Variants in FGF1 observed in about 807,000 individuals in gnomAD.
FGF1 encodes the protein beta-endothelial cell growth factor.
Under a neutral mutation model 13.4 loss-of-function variants are expected in FGF1, and 9 were observed. The observed-to-expected ratio is 0.67, with a 90% confidence interval of 0.40 to 1.17. The LOEUF is 1.17. FGF1 is among the 50% of genes most tolerant of loss of function. FGF1 has a pLI of 0.01. For synonymous variants in FGF1, 93 were observed against 79.0 expected (o/e 1.18, Z -0.94); for missense variants, 156 against 192.7 (o/e 0.81, Z 1.13).
intron 2 of FGF1, among the ~76,000 whole-genome samples, chr5:142,692,330 CT>C (rs984669096): frequency 9.9e-5 from 15 of 152,070 alleles, no homozygotes; most frequent in Admixed American, 3.3e-4. Context: ...GAGAAAGACC[CT>C]GTCTCAAAAA....
At chr5:142,647,492 T>A (rs1766381187) in intron 1 of FGF1, among the ~76,000 whole-genome samples, 1 of 152,210 alleles carries the variant, frequency 6.6e-6, no homozygotes, top group Non-Finnish European at 1.5e-5. Flanking sequence ...GTTCATAAAC[T>A]TGTAGTTCTC....
At chr5:142,639,676 G>A (rs1395429589) in intron 1 of FGF1, among the ~76,000 whole-genome samples, 2 of 151,966 alleles carry the variant, frequency 1.3e-5, no homozygotes, top group African/African-American at 2.4e-5. Context: ...AGTCAGTAAT[G>A]TGTGGTATAC....
intron 2 of FGF1, among the ~76,000 whole-genome samples, chr5:142,608,294 G>A (rs760724154): frequency 6.6e-6 from 1 of 151,950 alleles, no homozygotes; most frequent in Non-Finnish European, 1.5e-5. Context: ...TTATGTGCCT[G>A]GTTTATTCTG....
intron 1 of FGF1, among the ~76,000 whole-genome samples, chr5:142,666,554 G>A (rs1474269666): frequency 1.3e-5 from 2 of 151,358 alleles, no homozygotes; most frequent in East Asian, 3.9e-4. Context: ...AAAAAAAACC[G>A]TAGCATTTCA....
intron 2 of FGF1, among the ~76,000 whole-genome samples, chr5:142,609,071 G>T (rs1279979694): frequency 6.6e-6 from 1 of 152,062 alleles, no homozygotes; most frequent in East Asian, 1.9e-4. Flanking sequence ...GCTAGGTGCT[G>T]AGTGATCCCA....
At chr5:142,675,701 A>C (rs1772426749) in intron 1 of FGF1, among the ~76,000 whole-genome samples, 1 of 152,178 alleles carries the variant, frequency 6.6e-6, no homozygotes, top group African/African-American at 2.4e-5. Flanking sequence ...TCCCCACCCA[A>C]GGTCACCCAA....
intron 1 of FGF1, among the ~76,000 whole-genome samples, chr5:142,674,434 C>T (rs1308203440): frequency 6.6e-6 from 1 of 152,190 alleles, no homozygotes; most frequent in Non-Finnish European, 1.5e-5. Flanking sequence ...GAGGGGGACA[C>T]CTTTCCAAGG....
chr5:142,643,500 A>G (rs1224654771), intron 1 of FGF1, among the ~76,000 whole-genome samples: 1 of 152,152 alleles, frequency 6.6e-6, no homozygotes, highest in East Asian at 1.9e-4. Context: ...TCTTGCTGCA[A>G]CCTAGGAGGC....
At chr5:142,654,451 A>T (rs543001099) in intron 1 of FGF1, among the ~76,000 whole-genome samples, 1 of 152,216 alleles carries the variant, frequency 6.6e-6, no homozygotes, top group Non-Finnish European at 1.5e-5. Context: ...TGAACTTTGG[A>T]TAGTAGAAAG....
In FGF1 at chr5:142,629,551, C is replaced by T. The variant is rs982370876; in HGVS notation, c.-34-15390G>A. 4.6e-5 allele frequency among the ~76,000 whole-genome samples: 7 copies of T among 152,234 alleles called. No homozygotes were observed. The South Asian group carries it at 1.2e-3, about 27-fold the overall frequency. Reference sequence around the variant, plus strand: ...GTTAGGCCCAGCCTATCTAAGGAAGCCCTCCTGACTTCCTTGTCCTCTATC... The same window carrying T: ...GTTAGGCCCAGCCTATCTAAGGAAGTCCTCCTGACTTCCTTGTCCTCTATC... On this transcript the variant is annotated intron_variant, in intron 1 of 3. Coordinates refer to ENST00000337706, the MANE Select transcript of FGF1 (RefSeq NM_000800.5).
chr5:142,668,479 GC>G (rs1170716581), intron 1 of FGF1, among the ~76,000 whole-genome samples: 1 of 152,130 alleles, frequency 6.6e-6, no homozygotes, highest in East Asian at 1.9e-4. Context: ...ACCCCTCCCT[GC>G]CCCGGCCCCA....
In FGF1 at chr5:142,660,208, AG is replaced by A. The variant is rs200480801; in HGVS notation, c.-35+25748del. On this transcript the variant is annotated intron_variant, in intron 1 of 3. Coordinates refer to ENST00000337706, the MANE Select transcript of FGF1 (RefSeq NM_000800.5). ...GAGAATTAAACAGTCCTGTTAGTAAAGCTCTGTCCTTCAGCTCCTCTGTCTT... is the reference window on the plus strand; with the variant it reads ...GAGAATTAAACAGTCCTGTTAGTAAACTCTGTCCTTCAGCTCCTCTGTCTT... Among the ~76,000 whole-genome samples, 24 of 152,344 alleles carry A rather than the reference AG, an allele frequency of 1.6e-4. 1 individual carries two copies. The East Asian group carries it at 4.6e-3, about 29-fold the overall frequency.
chr5:142,628,984 G>A (rs1762897465), intron 1 of FGF1, among the ~76,000 whole-genome samples: 1 of 152,130 alleles, frequency 6.6e-6, no homozygotes, highest in Admixed American at 6.5e-5. Context: ...TGTTTAGATA[G>A]GCCCCTGGGG....
chr5:142,691,250 G>T (rs1048890917), intron 2 of FGF1, among the ~76,000 whole-genome samples: 1 of 151,786 alleles, frequency 6.6e-6, no homozygotes, highest in African/African-American at 2.4e-5. Context: ...GTGAAACCCC[G>T]TCTCTACTAA....
chr5:142,600,943 CAAAACATAG>C, intron 2 of FGF1, 138 bp from the exon 3 acceptor site: 1 of 645,532 alleles, frequency 1.5e-6, no homozygotes, highest in Middle Eastern at 2.5e-4. Flanking sequence ...TCAGATTAAT[CAAAACATAG>C]AAATACAGTC....
Position 142,646,981 on chromosome 5 carries a change from C to T in FGF1, c.-34-32820G>A, listed in dbSNP as rs535923809. Among the ~76,000 whole-genome samples the T allele has an allele frequency of 9.9e-5, 15 of 152,282 alleles. No individual in the cohort carries two copies. The East Asian group carries it at 1.9e-3, about 20-fold the overall frequency. ...ACAGATTGGGCATAAGGTCATAAAA[C>T]GATCAGGGCTCAACACCAGTTTTCA... On this transcript the variant is annotated intron_variant, in intron 1 of 3. Coordinates refer to ENST00000337706, the MANE Select transcript of FGF1 (RefSeq NM_000800.5).
intron 1 of FGF1, among the ~76,000 whole-genome samples, chr5:142,641,686 G>A (rs886640724): frequency 2.0e-5 from 3 of 151,928 alleles, no homozygotes; most frequent in Non-Finnish European, 1.5e-5. Context: ...CAGCACCACC[G>A]TATAAACAGT....
chr5:142,676,916 A>G (rs1198202596), intron 1 of FGF1, among the ~76,000 whole-genome samples: 2 of 138,600 alleles, frequency 1.4e-5, no homozygotes, highest in African/African-American at 3.0e-5. Flanking sequence ...AAAACAAAAA[A>G]CAAAACAACA....
chr5:142,592,731 C>T lies in FGF1; in HGVS notation c.*2559G>A, dbSNP rs1340776294. 1.2e-5 allele frequency: 4 copies of T among 328,612 alleles called. No individual in the cohort carries two copies. The highest frequency in any genetic ancestry group is 4.9e-5 in the Admixed American group (1 of 20,502). The allele number at this position is 328,612 out of a possible 1,614,324, so 20.4% of individuals were successfully genotyped here. A position where few individuals can be genotyped will look rare whatever the true frequency, so the allele number is the denominator to read the frequency against. ...GAAAGCAGTCCCCCTGAAGCTGACC[C>T]GGTTCTAAAGTTGAAAATGCTAAGT... On this transcript the variant is annotated 3_prime_UTR_variant, in exon 4 of 4. Transcript: ENST00000337706.
Sources: gnomAD v4.1 joint callset for allele counts (sites outside exome capture counted in the v4.1 genomes callset) on GRCh38, gnomAD v4.1.1 for gene constraint, MANE v1.5 for transcripts, NCBI Gene and HGNC (gene_info 2026-07-23, HGNC 2026-07-21) for gene names.